The following KATNAL2 variants were observed in gnomAD, a reference collection of about 807,000 sequenced individuals.
KATNAL2 encodes the protein katanin p60 ATPase-containing subunit A-like 2.
In KATNAL2, 52 loss-of-function variants were observed where a neutral mutation model predicts 76.3. That is an observed-to-expected ratio of 0.68 (90% CI 0.55 to 0.86). The LOEUF (loss-of-function observed/expected upper bound fraction) is 0.86, where lower values mean the gene tolerates loss of function less well. KATNAL2 is among the 40% of genes least tolerant of loss of function. The pLI, the probability that KATNAL2 is intolerant of heterozygous loss-of-function variation, is 0.00. For synonymous variants in KATNAL2, 243 were observed against 244.2 expected (o/e 1.00, Z 0.05); for missense variants, 660 against 668.9 (o/e 0.99, Z 0.15).
In KATNAL2 at chr18:47,032,533, G is replaced by A. The variant is rs1485730789; in HGVS notation, c.52-13924G>A. The A allele has an allele frequency of 2.5e-5, 5 of 200,312 alleles. No individual in the cohort carries two copies. The South Asian group carries it at 3.3e-4, about 13-fold the overall frequency. The allele number at this position is 200,312 out of a possible 1,614,324, so 12.4% of individuals were successfully genotyped here. On this transcript the variant is annotated intron_variant, in intron 3 of 17. Coordinates refer to ENST00000683218, the MANE Select transcript of KATNAL2 (RefSeq NM_001387690.1). ...AAAGGAGGATGGCTCACGATTACAA[G>A]ATCATGCTCAGCCTTTTATTAAAAC...
intron 3 of KATNAL2, among the ~76,000 whole-genome samples, chr18:46,955,072 C>T (rs1047272932): frequency 1.3e-5 from 2 of 151,944 alleles, no homozygotes; most frequent in African/African-American, 4.8e-5. Context: ...TCCCCTGTGT[C>T]AATTTCCTTC....
chr18:47,059,506 A>G, intron 7 of KATNAL2, 50 bp from the exon 8 acceptor site: 1 of 1,318,502 alleles, frequency 7.6e-7, no homozygotes, highest in Non-Finnish European at 1.1e-6. Flanking sequence ...ACATCCAGCA[A>G]CTCTCCATGG....
intron 6 of KATNAL2, chr18:47,054,644 A>G: frequency 1.6e-6 from 1 of 623,436 alleles, no homozygotes; most frequent in South Asian, 2.1e-5. Flanking sequence ...TTTACTGTAA[A>G]TAAGTATATC....
chr18:47,048,763 G>T (rs1056306638), intron 4 of KATNAL2, among the ~76,000 whole-genome samples: 1 of 152,026 alleles, frequency 6.6e-6, no homozygotes, highest in Non-Finnish European at 1.5e-5. Context: ...TCTATGACAG[G>T]GCTGTGGGGC....
chr18:47,058,337 G>A lies in KATNAL2; in HGVS notation c.435G>A (p.Lys145=). The change falls in exon 7 of 18, where the codon AAG becomes AAA. Residue 145 remains lysine (K), a synonymous_variant. Transcript: ENST00000683218. ...GKTGDTKSLN[K]EHPNQEVVDN... is the part of the protein sequence containing the mutation. ...CAGGGGACACCAAATCGCTCAATAA[G>A]GAGCATCCTAATCAGGTCAGGATGG... 6.2e-7 allele frequency: 1 copy of A among 1,611,084 alleles called. No individual in the cohort carries two copies. Among genetic ancestry groups the A allele is most frequent in the Non-Finnish European group, 8.5e-7 (1 of 1,177,256 alleles).
chr18:47,057,053 C>T (rs1423506898), intron 6 of KATNAL2, among the ~76,000 whole-genome samples: 1 of 152,060 alleles, frequency 6.6e-6, no homozygotes, highest in African/African-American at 2.4e-5. Context: ...CCCAGTGAGA[C>T]CAACACTCAC....
At chr18:47,036,538 T>G (rs1040633556) in intron 3 of KATNAL2, among the ~76,000 whole-genome samples, 3 of 152,228 alleles carry the variant, frequency 2.0e-5, no homozygotes, top group African/African-American at 2.4e-5. Context: ...TGTAGCCATG[T>G]TTTATCCCCG....
intron 15 of KATNAL2, among the ~76,000 whole-genome samples, chr18:47,079,457 C>A (rs1478381836): frequency 6.6e-6 from 1 of 151,674 alleles, no homozygotes; most frequent in Non-Finnish European, 1.5e-5. Flanking sequence ...TGCAATGGCA[C>A]GATCTCGGCT....
At chr18:46,937,757 A>G (rs1018241962) in intron 1 of KATNAL2, among the ~76,000 whole-genome samples, 15 of 152,158 alleles carry the variant, frequency 9.9e-5, no homozygotes, top group Non-Finnish European at 1.5e-5. Flanking sequence ...AAAAATGAAA[A>G]CTGAACCTGT....
intron 3 of KATNAL2, among the ~76,000 whole-genome samples, chr18:46,959,467 A>T (rs528174944): frequency 2.6e-5 from 4 of 152,054 alleles, no homozygotes; most frequent in East Asian, 3.9e-4. Flanking sequence ...CCTTTTTTTT[A>T]AAAAAAACTA....
intron 15 of KATNAL2, chr18:47,077,662 C>T (rs1023468574): frequency 2.1e-6 from 1 of 466,556 alleles, no homozygotes. Context: ...GAAACACAGG[C>T]CAGGGTGACC....
chr18:47,080,403 ACAAT>A (rs1175068624), intron 15 of KATNAL2, among the ~76,000 whole-genome samples: 1 of 152,190 alleles, frequency 6.6e-6, no homozygotes, highest in Non-Finnish European at 1.5e-5. Flanking sequence ...AACTACCACC[ACAAT>A]CAATTTTAGA....
intron 3 of KATNAL2, among the ~76,000 whole-genome samples, chr18:46,950,571 A>G (rs1351865215): frequency 6.6e-6 from 1 of 152,206 alleles, no homozygotes; most frequent in Non-Finnish European, 1.5e-5. Flanking sequence ...TAGTTCAACA[A>G]AATTTGAAAA....
chr18:46,956,003 G>A (rs971663707), intron 3 of KATNAL2, among the ~76,000 whole-genome samples: 1 of 152,128 alleles, frequency 6.6e-6, no homozygotes, highest in South Asian at 2.1e-4. Context: ...TGCAGAGGTT[G>A]GTTTCAGAGA....
chr18:46,958,632 C>T (rs764294361), intron 3 of KATNAL2, among the ~76,000 whole-genome samples: 2 of 152,050 alleles, frequency 1.3e-5, no homozygotes, highest in African/African-American at 4.8e-5. Context: ...TCTCCAACTC[C>T]GTTTTAAATT....
chr18:46,950,760 C>T (rs898431702), intron 3 of KATNAL2, among the ~76,000 whole-genome samples: 3 of 151,776 alleles, frequency 2.0e-5, no homozygotes, highest in Admixed American at 6.6e-5. Context: ...TCTCGGCTCA[C>T]CACAACCTCC....
At chr18:47,083,857 T>C (rs991833444) in intron 15 of KATNAL2, among the ~76,000 whole-genome samples, 2 of 152,226 alleles carry the variant, frequency 1.3e-5, no homozygotes, top group African/African-American at 4.8e-5. Flanking sequence ...TTTAAATACC[T>C]ATTTAACTCT....
intron 15 of KATNAL2, among the ~76,000 whole-genome samples, chr18:47,092,447 C>T (rs2063041600): frequency 6.6e-6 from 1 of 152,036 alleles, no homozygotes; most frequent in South Asian, 2.1e-4. Context: ...TGCAGTGAGC[C>T]AAGATCGCAC....
intron 14 of KATNAL2, chr18:47,076,397 A>G (rs1257232463): frequency 1.3e-5 from 2 of 152,138 alleles, no homozygotes; most frequent in Non-Finnish European, 2.9e-5. Flanking sequence ...GGCCTGATAG[A>G]AGCAGGCAAC....
Sources: gnomAD v4.1 joint callset for allele counts (sites outside exome capture counted in the v4.1 genomes callset) on GRCh38, gnomAD v4.1.1 for gene constraint, MANE v1.5 for transcripts, NCBI Gene and HGNC (gene_info 2026-07-23, HGNC 2026-07-21) for gene names.